ADAMTSL1: variants seen among roughly 807,000 people sequenced by gnomAD.
The protein encoded by ADAMTSL1 is ADAMTS like 1, also known as ADAMTS-like protein 1.
In ADAMTSL1, 126 loss-of-function variants were observed where a neutral mutation model predicts 201.8. The observed-to-expected ratio is 0.62, with a 90% confidence interval of 0.54 to 0.72. The LOEUF (loss-of-function observed/expected upper bound fraction) is 0.72. ADAMTSL1 is among the 30% of genes least tolerant of loss of function. ADAMTSL1 has a pLI of 0.00. For missense variants in ADAMTSL1, 2,679 were observed against 2,277.8 expected (o/e 1.18, Z -3.59); for synonymous variants, 1,121 against 903.4 (o/e 1.24, Z -4.32).
At position 18,759,680 on chromosome 9, in the gene ADAMTSL1, T is replaced by C. The variant is rs191953175; in HGVS notation, c.2217+6172T>C. ...CCAGCTTCACATGTGGTTGTTTTTGTTTGTATTTATTAGCAGGAAGTTCTT... is the reference window on the plus strand; with the variant it reads ...CCAGCTTCACATGTGGTTGTTTTTGCTTGTATTTATTAGCAGGAAGTTCTT... On this transcript the variant is annotated intron_variant, in intron 16 of 28. Coordinates refer to ENST00000380548, the MANE Select transcript of ADAMTSL1 (RefSeq NM_001040272.6). Among the ~76,000 whole-genome samples, 213 of 152,302 alleles carry C rather than the reference T, an allele frequency of 1.4e-3. 3 individuals are homozygous for C. The South Asian group carries it at 0.024, about 17-fold the overall frequency.
At position 18,890,780 on chromosome 9, in the gene ADAMTSL1, A is replaced by C. The variant is rs576306989; in HGVS notation, c.4643+1032A>C. 68 of 348,838 alleles carry C rather than the reference A, an allele frequency of 1.9e-4. 1 individual carries two copies. The highest frequency in any genetic ancestry group is 1.4e-3 in the African/African-American group (64 of 45,920). The allele number at this position is 348,838 out of a possible 1,614,324, so 21.6% of individuals were successfully genotyped here. ...AACGTATATTTGGAAATAAAAGTTG[A>C]TGGAAATGCAGGCCTGACATTCACC... On this transcript the variant is annotated intron_variant, in intron 25 of 28. Transcript: ENST00000380548.
chr9:18,608,275 T>G (rs1825155850), intron 4 of ADAMTSL1, among the ~76,000 whole-genome samples: 1 of 152,200 alleles, frequency 6.6e-6, no homozygotes, highest in African/African-American at 2.4e-5. Flanking sequence ...ATTATAAAAC[T>G]GTAGTGTTTA....
chr9:18,646,201 G>A (rs1035329689), intron 7 of ADAMTSL1, among the ~76,000 whole-genome samples: 2 of 151,718 alleles, frequency 1.3e-5, no homozygotes, highest in African/African-American at 4.8e-5. Flanking sequence ...GTCTGTTATT[G>A]GTGTATAAGA....
chr9:18,559,429 G>A (rs545539419), intron 3 of ADAMTSL1, among the ~76,000 whole-genome samples: 3 of 152,262 alleles, frequency 2.0e-5, no homozygotes, highest in South Asian at 4.1e-4. Context: ...ATAGTTTGAA[G>A]TCAGGTAATG....
rs138492683 is a variant in ADAMTSL1 at position 18,777,603 on chromosome 9, G to A, written c.3374G>A (p.Arg1125His). 12,001 of 1,613,110 alleles carry A rather than the reference G, an allele frequency of 7.4e-3. 56 individuals are homozygous for A. The highest frequency in any genetic ancestry group is 0.011 in the Middle Eastern group (64 of 6,062). Residue 1125 changes from arginine (R) to histidine (H), a missense_variant, in exon 19 of 29, where the codon CGC becomes CAC. Transcript: ENST00000380548. ...GACACGCTCCTGAAGCCCTCGGAGC[G>A]CAGGACTTCCCCAGTGACTCTCTCG... The part of the protein sequence containing the change: ...HQDTLLKPSE[R>H]RTSPVTLSPH...
At chr9:18,458,912 C>G (rs527921265) in intron 2 of ADAMTSL1, among the ~76,000 whole-genome samples, 21 of 152,266 alleles carry the variant, frequency 1.4e-4, no homozygotes, top group Admixed American at 4.6e-4. Context: ...GAGCAAAAGT[C>G]CTGTTCCCTT....
intron 2 of ADAMTSL1, among the ~76,000 whole-genome samples, chr9:18,424,195 T>C (rs1163755753): frequency 1.3e-5 from 2 of 152,234 alleles, no homozygotes; most frequent in Non-Finnish European, 2.9e-5. Context: ...GAACTATTAG[T>C]GTTTCTTCCA....
chr9:18,641,171 T>C (rs1770972227), intron 7 of ADAMTSL1, among the ~76,000 whole-genome samples: 1 of 152,096 alleles, frequency 6.6e-6, no homozygotes, highest in Admixed American at 6.6e-5. Flanking sequence ...TATCTTGTCT[T>C]CTTCCATTCT....
intron 2 of ADAMTSL1, among the ~76,000 whole-genome samples, chr9:18,427,892 C>G (rs745825174): frequency 6.6e-6 from 1 of 152,212 alleles, no homozygotes; most frequent in African/African-American, 2.4e-5. Context: ...TGTGTTCAAA[C>G]GGATGTGCTT....
At chr9:17,908,971 C>G (rs1406116921) in intron 1 of ADAMTSL1, among the ~76,000 whole-genome samples, 6 of 151,408 alleles carry the variant, frequency 4.0e-5, no homozygotes, top group Admixed American at 1.3e-4. Context: ...TCCACATCCT[C>G]TCCAGCACCT....
intron 1 of ADAMTSL1, among the ~76,000 whole-genome samples, chr9:18,084,808 A>C (rs1449628508): frequency 1.3e-5 from 2 of 151,606 alleles, no homozygotes; most frequent in Non-Finnish European, 2.9e-5. Flanking sequence ...CCTTACAATC[A>C]TGCAACTTAA....
intron 2 of ADAMTSL1, among the ~76,000 whole-genome samples, chr9:18,299,327 C>T (rs548101360): frequency 1.3e-5 from 2 of 152,234 alleles, no homozygotes; most frequent in South Asian, 4.1e-4. Context: ...TATATCTTCT[C>T]CATTGGCAGA....
intron 1 of ADAMTSL1, among the ~76,000 whole-genome samples, chr9:18,071,260 G>T (rs1450590849): frequency 6.6e-6 from 1 of 152,106 alleles, no homozygotes; most frequent in African/African-American, 2.4e-5. Context: ...GATGTTTTTG[G>T]TTCAAAAAAA....
intron 3 of ADAMTSL1, among the ~76,000 whole-genome samples, 185 bp from the exon 4 acceptor site, chr9:18,573,845 A>C (rs1374884366): frequency 2.0e-5 from 3 of 152,212 alleles, no homozygotes; most frequent in African/African-American, 7.2e-5. Context: ...TTGCTTTATC[A>C]GATTTCTACA....
At chr9:18,623,972 A>C (rs1336602456) in intron 5 of ADAMTSL1, among the ~76,000 whole-genome samples, 7 of 152,202 alleles carry the variant, frequency 4.6e-5, no homozygotes, top group Non-Finnish European at 1.0e-4. Context: ...TCAAGGAAGA[A>C]AGGCAGATGC....
chr9:18,733,811 T>C (rs1419772264), intron 15 of ADAMTSL1, among the ~76,000 whole-genome samples: 1 of 152,028 alleles, frequency 6.6e-6, no homozygotes, highest in Non-Finnish European at 1.5e-5. Flanking sequence ...GCCTTTTGAC[T>C]ACCCAAATTC....
chr9:18,514,327 C>CTTTTTTT (rs397963773), intron 2 of ADAMTSL1, among the ~76,000 whole-genome samples: 33 of 100,088 alleles, frequency 3.3e-4, no homozygotes, highest in African/African-American at 8.5e-4. Flanking sequence ...ATTTTTCTTT[C>CTTTTTTT]TTTTTTTTTT....
rs546181095 is a variant in ADAMTSL1, at chr9:18,686,920, A to G, written c.1574+2120A>G. Among the ~76,000 whole-genome samples the G allele has an allele frequency of 2.6e-5, 4 of 152,344 alleles. No homozygotes were observed. The East Asian group carries it at 7.7e-4, about 29-fold the overall frequency. On this transcript the variant is annotated intron_variant, in intron 13 of 28. Coordinates refer to ENST00000380548, the MANE Select transcript of ADAMTSL1 (RefSeq NM_001040272.6). The stretch of plus-strand genomic sequence containing the variant: ...CATTACGTTTAACTTTAATCTTAAT[A>G]AAATCTTTAAAGTAGTTAAAAAAGT...
chr9:18,632,964 G>A (rs1163055338), intron 5 of ADAMTSL1, among the ~76,000 whole-genome samples: 2 of 151,922 alleles, frequency 1.3e-5, no homozygotes, highest in Non-Finnish European at 2.9e-5. Flanking sequence ...TTTTTTGGGG[G>A]TGCATGCTAA....
Sources: gnomAD v4.1 joint callset for allele counts (sites outside exome capture counted in the v4.1 genomes callset) on GRCh38, gnomAD v4.1.1 for gene constraint, MANE v1.5 for transcripts, NCBI Gene and HGNC (gene_info 2026-07-23, HGNC 2026-07-21) for gene names.